ABLIM2: variants seen among roughly 807,000 people sequenced by gnomAD.
ABLIM2 encodes the protein actin binding LIM protein family member 2.
In ABLIM2, 53 loss-of-function variants were observed where a neutral mutation model predicts 97.7. The observed-to-expected ratio is 0.54, with a 90% CI of 0.44 to 0.68. The LOEUF (loss-of-function observed/expected upper bound fraction) is 0.68, where lower values mean the gene tolerates loss of function less well. ABLIM2 is among the 30% of genes least tolerant of loss of function. ABLIM2 has a pLI of 0.00. For missense variants in ABLIM2, 835 were observed against 867.2 expected, an observed-to-expected ratio of 0.96 and a Z score of 0.47; for synonymous variants, 361 against 345.8, an observed-to-expected ratio of 1.04 and a Z score of -0.49.
rs1016581814 is a variant in ABLIM2 at position 8,005,073 on chromosome 4, A to G, written c.1618+2986T>C. Among the ~76,000 whole-genome samples the G allele has an allele frequency of 6.6e-6, 1 of 152,224 alleles. No homozygotes were observed. The highest frequency in any genetic ancestry group is 6.5e-5 in the Admixed American group (1 of 15,292). The stretch of plus-strand genomic sequence containing the variant: ...GGTGGAGGGATGGATGAATGACTGA[A>G]TGATGAACTCAGTCCCGGGTGAGAT... On this transcript the variant is annotated intron_variant, in intron 16 of 20. Transcript: ENST00000447017. The surrounding 1 kb of genome is among the most constrained non-coding windows in gnomAD (Gnocchi z 4.9).
chr4:8,053,169 A>C lies in ABLIM2; in HGVS notation c.822+1019T>G, dbSNP rs148168580. On this transcript the variant is annotated intron_variant, in intron 8 of 20. Transcript: ENST00000447017. ...TCTATTCAAAGTCACCCCTCTGCTC[A>C]CTGAGATAAGTGCAGATCTGATTGC... is the stretch of plus-strand genomic sequence containing the variant. Among the ~76,000 whole-genome samples the C allele has an allele frequency of 5.0e-3, 767 of 152,338 alleles. 8 individuals carry two copies. Among genetic ancestry groups the C allele is most frequent in the African/African-American group, 0.016 (658 of 41,576 alleles).
rs1821250656 is a variant in ABLIM2, at chr4:8,083,488, C to A, written c.455-2686G>T. Among the ~76,000 whole-genome samples the A allele has an allele frequency of 6.6e-6, 1 of 152,180 alleles. No individual in the cohort carries two copies. Among genetic ancestry groups the A allele is most frequent in the Non-Finnish European group, 1.5e-5 (1 of 68,036 alleles). On this transcript the variant is annotated intron_variant, in intron 4 of 20. Coordinates refer to ENST00000447017, the MANE Select transcript of ABLIM2 (RefSeq NM_001130083.2). This position sits in a 1 kb window ranked among gnomAD's most constrained non-coding sequence, Gnocchi z 4.6. ...CCATATTGGCCGGCGCCCTCCCCTG[C>A]CAAGAAGCTCCCTTGACCTTGAGCT...
chr4:7,984,058 G>A (rs1741282410), intron 18 of ABLIM2, among the ~76,000 whole-genome samples: 1 of 152,216 alleles, frequency 6.6e-6, no homozygotes, highest in Admixed American at 6.5e-5. Context: ...CAGACTGAAA[G>A]CGTCTTATCA....
Position 8,087,370 on chromosome 4 carries a change from C to A in ABLIM2, c.454+799G>T, listed in dbSNP as rs557585589. On this transcript the variant is annotated intron_variant, in intron 4 of 20. Transcript: ENST00000447017. The surrounding 1 kb of genome is among the most constrained non-coding windows in gnomAD (Gnocchi z 4.6). The stretch of plus-strand genomic sequence containing the variant: ...CCACACCTGCAAACCCCTGACACTT[C>A]GGCTGGCATTTGTTTTTTTTCCACA... 6.6e-6 allele frequency among the ~76,000 whole-genome samples: 1 copy of A among 151,836 alleles called. No homozygotes were observed. Among genetic ancestry groups the A allele is most frequent in the Non-Finnish European group, 1.5e-5 (1 of 67,992 alleles).
chr4:7,971,498 A>T (rs926403773), intron 20 of ABLIM2, among the ~76,000 whole-genome samples: 3 of 152,164 alleles, frequency 2.0e-5, no homozygotes, highest in Non-Finnish European at 4.4e-5. Flanking sequence ...GGACTGCCTC[A>T]GGAGGCTCAG....
rs191636901 is a variant in ABLIM2, at chr4:8,033,979, C to A, written c.1047+2170G>T. Among the ~76,000 whole-genome samples, 21 of 152,320 alleles carry A rather than the reference C, an allele frequency of 1.4e-4. No individual in the cohort carries two copies. The East Asian group carries it at 3.9e-3, about 28-fold the overall frequency. ...GCACTCAAACCAGGAAGGGGTGTGC[C>A]CGATGCCCCAAGGCTGCCAGGAGGT... is the stretch of plus-strand genomic sequence containing the variant. On this transcript the variant is annotated intron_variant, in intron 10 of 20. Transcript: ENST00000447017. This position sits in a 1 kb window ranked among gnomAD's most constrained non-coding sequence, Gnocchi z 4.5.
Position 8,083,982 on chromosome 4 carries a change from G to T in ABLIM2, c.455-3180C>A, listed in dbSNP as rs1235286768. On this transcript the variant is annotated intron_variant, in intron 4 of 20. Transcript: ENST00000447017. The surrounding 1 kb of genome is among the most constrained non-coding windows in gnomAD (Gnocchi z 4.6). ...GAGCCTCAGCTGGAGCTCAGGGGGT[G>T]CAGGTGCAGGAGCCAGACCCCCTCT... is the stretch of plus-strand genomic sequence containing the variant. Among the ~76,000 whole-genome samples, 1 of 152,140 alleles carries T rather than the reference G, an allele frequency of 6.6e-6. No homozygotes were observed. Among genetic ancestry groups the T allele is most frequent in the African/African-American group, 2.4e-5 (1 of 41,422 alleles).
chr4:8,037,732 A>G (rs1167103501), intron 9 of ABLIM2, among the ~76,000 whole-genome samples: 1 of 152,172 alleles, frequency 6.6e-6, no homozygotes, highest in African/African-American at 2.4e-5. Context: ...GCAGCAAAGC[A>G]CCTGGCATTT....
intron 16 of ABLIM2, chr4:8,007,003 G>A (rs1278283258): frequency 1.0e-6 from 1 of 984,560 alleles, no homozygotes; most frequent in African/African-American, 1.7e-5. Context: ...TGCTTACAGA[G>A]ATCATACACA....
At chr4:8,062,324 G>A (rs1031667841) in intron 6 of ABLIM2, among the ~76,000 whole-genome samples, 1 of 152,212 alleles carries the variant, frequency 6.6e-6, no homozygotes, top group Admixed American at 6.5e-5. Flanking sequence ...AGTACCAGGT[G>A]CAGGGATCTC....
In ABLIM2 at chr4:7,984,828, G is replaced by T; in HGVS notation, c.1735+11C>A. On this transcript the variant is annotated intron_variant, in intron 18 of 20. Transcript: ENST00000447017. The stretch of plus-strand genomic sequence containing the variant: ...CCAGCCAGAGACCCACAGGGTCCCC[G>T]CTCTGTGTACCTCGCATGCCCCAGC... The T allele has an allele frequency of 6.3e-7, 1 of 1,591,792 alleles. No homozygotes were observed. Among genetic ancestry groups the T allele is most frequent in the Non-Finnish European group, 8.6e-7 (1 of 1,169,374 alleles).
intron 10 of ABLIM2, among the ~76,000 whole-genome samples, chr4:8,031,726 ATTTT>A (rs11312218): frequency 7.1e-6 from 1 of 139,908 alleles, no homozygotes. Flanking sequence ...ATAAATATAC[ATTTT>A]TTTTTTTTTT....
At chr4:8,014,882 G>A (rs374327055) in intron 14 of ABLIM2, among the ~76,000 whole-genome samples, 41 of 151,544 alleles carry the variant, frequency 2.7e-4, no homozygotes, top group African/African-American at 8.0e-4. Flanking sequence ...CTCTCCTTCC[G>A]GCCTCCCTCT....
At chr4:8,074,411 C>T (rs944005274) in intron 6 of ABLIM2, among the ~76,000 whole-genome samples, 1 of 152,154 alleles carries the variant, frequency 6.6e-6, no homozygotes, top group Non-Finnish European at 1.5e-5. Context: ...ATGACTTCAT[C>T]ACTGCGCTCC....
At chr4:8,020,683 C>T (rs1773009807) in intron 12 of ABLIM2, 1 of 284,222 alleles carries the variant, frequency 3.5e-6, no homozygotes, top group South Asian at 4.2e-5. Context: ...TCCTAATTAT[C>T]CTTGTATATA....
chr4:8,158,315 GC>G (rs1296173379), intron 1 of ABLIM2, among the ~76,000 whole-genome samples: 1 of 152,212 alleles, frequency 6.6e-6, no homozygotes, highest in East Asian at 1.9e-4. Flanking sequence ...GTCTGCTGGG[GC>G]CCCGGCCCTT....
At position 8,140,518 on chromosome 4, in the gene ABLIM2, C is replaced by T. The variant is rs1228887547; in HGVS notation, c.10+18162G>A. ...GGAAAGGGGGCAGTGACACGGGGGC[C>T]TTGCCTGCATGTGGGAGCCACACGT... is the stretch of plus-strand genomic sequence containing the variant. On this transcript the variant is annotated intron_variant, in intron 1 of 20. Coordinates refer to ENST00000447017, the MANE Select transcript of ABLIM2 (RefSeq NM_001130083.2). The surrounding 1 kb of genome is among the most constrained non-coding windows in gnomAD (Gnocchi z 5.9). Among the ~76,000 whole-genome samples, 1 of 152,164 alleles carries T rather than the reference C, an allele frequency of 6.6e-6. No homozygotes were observed. Among genetic ancestry groups the T allele is most frequent in the Non-Finnish European group, 1.5e-5 (1 of 68,028 alleles).
rs979885332 is a variant in ABLIM2 at position 8,058,289 on chromosome 4, G to A, written c.763+2678C>T. ...CCAAAGGACCCTTTGACGGGCTCTC[G>A]AGCAGAGACTCAAGGAACAGGCGAC... is the stretch of plus-strand genomic sequence containing the variant. On this transcript the variant is annotated intron_variant, in intron 7 of 20. Transcript: ENST00000447017. This position sits in a 1 kb window ranked among gnomAD's most constrained non-coding sequence, Gnocchi z 4.2. Among the ~76,000 whole-genome samples, 2 of 152,226 alleles carry A rather than the reference G, an allele frequency of 1.3e-5. No individual in the cohort carries two copies. Among genetic ancestry groups the A allele is most frequent in the African/African-American group, 2.4e-5 (1 of 41,472 alleles).
chr4:7,992,708 G>T lies in ABLIM2; in HGVS notation c.1680+158C>A, dbSNP rs1749841621. Among the ~76,000 whole-genome samples, 1 of 152,138 alleles carries T rather than the reference G, an allele frequency of 6.6e-6. No homozygotes were observed. The highest frequency in any genetic ancestry group is 1.5e-5 in the Non-Finnish European group (1 of 68,016). ...TCCTGCTAGGGAAAAAGCAGTGGTGGCAGTGGCAGCCCCTGGGAAGGGCAT... is the reference window on the plus strand; with the variant it reads ...TCCTGCTAGGGAAAAAGCAGTGGTGTCAGTGGCAGCCCCTGGGAAGGGCAT... On this transcript the variant is annotated intron_variant, in intron 17 of 20. Coordinates refer to ENST00000447017, the MANE Select transcript of ABLIM2 (RefSeq NM_001130083.2). The surrounding 1 kb of genome is among the most constrained non-coding windows in gnomAD (Gnocchi z 5.7).
Sources: allele counts gnomAD v4.1 joint callset (sites outside exome capture counted in the v4.1 genomes callset), GRCh38; gene constraint gnomAD v4.1.1; non-coding constraint Gnocchi (gnomAD v3.1); transcripts MANE v1.5; gene names NCBI Gene and HGNC (gene_info 2026-07-23, HGNC 2026-07-21).